The following PHF14 variants were observed in gnomAD, a reference collection of about 807,000 sequenced individuals.
PHF14 encodes PHD finger protein 14.
PHF14 carries 55 observed loss-of-function variants against 117.9 expected under a neutral mutation model. That is an observed-to-expected ratio of 0.47 (90% confidence interval 0.38 to 0.58). The LOEUF is 0.58. PHF14 is among the 20% of genes least tolerant of loss of function. The probability of loss-of-function intolerance (pLI) is 0.00; values close to 1 mark genes in which losing one functional copy is unlikely to be tolerated. For missense variants in PHF14, 978 were observed against 1,122.2 expected (o/e 0.87, Z 1.84); for synonymous variants, 409 against 368.6 (o/e 1.11, Z -1.26).
At chr7:11,165,953 C>G (rs1264904467) in intron 17 of PHF14, among the ~76,000 whole-genome samples, 1 of 152,212 alleles carries the variant, frequency 6.6e-6, no homozygotes, top group Non-Finnish European at 1.5e-5. Context: ...TCCATCTGTG[C>G]CTAGAAATTA....
At chr7:11,111,515 A>C (rs1277169992) in intron 17 of PHF14, 48 bp downstream of exon 17, 3 of 902,380 alleles carry the variant, frequency 3.3e-6, no homozygotes, top group Non-Finnish European at 5.3e-6. Context: ...CTTCCGTTTG[A>C]TAGCTTTCCC....
chr7:11,164,756 A>G (rs1259972841), intron 17 of PHF14, among the ~76,000 whole-genome samples: 1 of 152,184 alleles, frequency 6.6e-6, no homozygotes, highest in Non-Finnish European at 1.5e-5. Context: ...TGAAACCAAG[A>G]CATTAACTTT....
chr7:11,100,283 G>A (rs1787040142), intron 16 of PHF14, among the ~76,000 whole-genome samples: 1 of 151,910 alleles, frequency 6.6e-6, no homozygotes, highest in African/African-American at 2.4e-5. Flanking sequence ...CCAGCAAAAT[G>A]TTATTTTTAA....
At chr7:11,168,106 AACTT>A (rs1374642072) in intron 17 of PHF14, among the ~76,000 whole-genome samples, 2 of 152,162 alleles carry the variant, frequency 1.3e-5, no homozygotes, top group Admixed American at 6.5e-5. Context: ...TCAAGAATCA[AACTT>A]AATGTATCTA....
chr7:11,058,616 A>C (rs1004519046), intron 14 of PHF14, among the ~76,000 whole-genome samples: 3 of 152,184 alleles, frequency 2.0e-5, no homozygotes, highest in Admixed American at 6.5e-5. Context: ...TGCCAGTTTT[A>C]ATTTACTCTT....
rs765837672 is a variant in PHF14 at position 11,111,461 on chromosome 7, T to C, written c.2766T>C (p.Ser922=). 2.6e-6 allele frequency: 4 copies of C among 1,533,634 alleles called. No homozygotes were observed. The highest frequency in any genetic ancestry group is 1.1e-5 in the South Asian group (1 of 87,360). ...TATGTCAGGAATGTGATTCTTCATC[T>C]TCCAAGGTAAGGGGAGAAGTCTATA... is the stretch of plus-strand genomic sequence containing the variant. ...GWICQECDSS[S]SKEDENEAER... Residue 922 remains serine (S), a synonymous_variant, in exon 17 of 18, where the codon TCT becomes TCC. Transcript: ENST00000634607.
At chr7:11,151,140 A>G (rs1788691456) in intron 17 of PHF14, among the ~76,000 whole-genome samples, 1 of 152,206 alleles carries the variant, frequency 6.6e-6, no homozygotes, top group African/African-American at 2.4e-5. Context: ...TTGAACATGT[A>G]TATTATGAGA....
intron 17 of PHF14, among the ~76,000 whole-genome samples, chr7:11,122,346 T>TACACACACAC (rs1256614887): frequency 1.5e-5 from 1 of 64,554 alleles, no homozygotes; most frequent in Admixed American, 1.8e-4. Flanking sequence ...TATATATATA[T>TACACACACAC]ATATATACAC....
At chr7:11,091,270 G>A (rs1303145703) in intron 16 of PHF14, among the ~76,000 whole-genome samples, 2 of 152,134 alleles carry the variant, frequency 1.3e-5, no homozygotes, top group African/African-American at 4.8e-5. Context: ...AAGGAAGAAA[G>A]GGAAGCGTTT....
intron 16 of PHF14, chr7:11,105,836 G>T: frequency 2.0e-6 from 2 of 984,600 alleles, no homozygotes; most frequent in Non-Finnish European, 2.4e-6. Context: ...TAAATAAAAT[G>T]AGATTGACAC....
At chr7:11,126,043 A>G (rs528474764) in intron 17 of PHF14, among the ~76,000 whole-genome samples, 2 of 152,246 alleles carry the variant, frequency 1.3e-5, no homozygotes, top group South Asian at 4.1e-4. Flanking sequence ...GGGCTGGACC[A>G]TTCTCTCAAT....
At chr7:11,046,671 A>G (rs960019509) in intron 13 of PHF14, among the ~76,000 whole-genome samples, 5 of 152,222 alleles carry the variant, frequency 3.3e-5, no homozygotes, top group African/African-American at 1.2e-4. Context: ...TACAAAAAGA[A>G]TAAAATTTAC....
chr7:11,072,157 G>A (rs1030128980), intron 16 of PHF14, among the ~76,000 whole-genome samples: 1 of 152,080 alleles, frequency 6.6e-6, no homozygotes. Flanking sequence ...CTGCTTCTGG[G>A]GAGGCCTCAG....
chr7:10,974,304 G>C lies in PHF14; in HGVS notation c.-20G>C. 6.3e-7 allele frequency: 1 copy of C among 1,587,816 alleles called. No homozygotes were observed. ...GCCTCTCCCTAAGTCTTCTCCAAAC[G>C]ACCACCTCACGGATTCCTTAGTAAG... On this transcript the variant is annotated 5_prime_UTR_variant, in exon 1 of 18. Transcript: ENST00000634607.
At chr7:11,079,670 T>C (rs1206726838) in intron 16 of PHF14, among the ~76,000 whole-genome samples, 1 of 151,044 alleles carries the variant, frequency 6.6e-6, no homozygotes, top group African/African-American at 2.4e-5. Context: ...TTCTATAATA[T>C]GACTCTCTGT....
At chr7:11,161,240 T>C (rs1583513401) in intron 17 of PHF14, among the ~76,000 whole-genome samples, 1 of 152,020 alleles carries the variant, frequency 6.6e-6, no homozygotes, top group East Asian at 1.9e-4. Context: ...GCAAAAAAAA[T>C]ATTTTTCTCT....
At chr7:11,133,450 T>C (rs1788138490) in intron 17 of PHF14, among the ~76,000 whole-genome samples, 1 of 151,860 alleles carries the variant, frequency 6.6e-6, no homozygotes, top group African/African-American at 2.4e-5. Flanking sequence ...GTAAAGAAAA[T>C]ATAGTCTTTT....
At chr7:11,046,967 A>T (rs1283377892) in intron 13 of PHF14, among the ~76,000 whole-genome samples, 1 of 152,086 alleles carries the variant, frequency 6.6e-6, no homozygotes, top group Non-Finnish European at 1.5e-5. Context: ...GGAATATGGA[A>T]TGTTACTGGA....
At position 11,028,699 on chromosome 7, in the gene PHF14, G is replaced by A; in HGVS notation, c.1336G>A (p.Asp446Asn). The A allele has an allele frequency of 6.2e-7, 1 of 1,613,710 alleles. No homozygotes were observed. Among genetic ancestry groups the A allele is most frequent in the Non-Finnish European group, 8.5e-7 (1 of 1,179,742 alleles). Residue 446 changes from aspartate to asparagine, a missense_variant, in exon 7 of 18, where the codon GAC becomes AAC. Transcript: ENST00000634607. ...YGAKECSFCEDPRFARTGVCI... is the reference protein window; with the variant it reads ...YGAKECSFCENPRFARTGVCI... ...GTTGTAGGAGTGTAGCTTTTGTGAA[G>A]ACCCTCGCTTTGCTAGAACTGGGGT...
Sources: gnomAD v4.1 joint callset for allele counts (sites outside exome capture counted in the v4.1 genomes callset) on GRCh38, gnomAD v4.1.1 for gene constraint, MANE v1.5 for transcripts, NCBI Gene and HGNC (gene_info 2026-07-23, HGNC 2026-07-21) for gene names.